The following PLXNA4 variants were observed in gnomAD, a reference collection of about 807,000 sequenced individuals.
The protein encoded by PLXNA4 is plexin A4, also known as plexin-A4.
A neutral mutation model predicts 191.8 loss-of-function variants in PLXNA4; 44 were observed. The ratio of observed to expected loss-of-function variants is 0.23; its 90% CI spans 0.18 to 0.29. PLXNA4 has a LOEUF of 0.29. PLXNA4 is among the 10% of genes least tolerant of loss of function. The pLI is 1.00. For missense variants in PLXNA4, 1,800 were observed against 2,488.8 expected, an observed-to-expected ratio of 0.72 and a Z score of 5.89; for synonymous variants, 1,082 against 1,009.5, an observed-to-expected ratio of 1.07 and a Z score of -1.36.
At chr7:132,189,864 C>T (rs1319989883) in intron 14 of PLXNA4, among the ~76,000 whole-genome samples, 1 of 152,180 alleles carries the variant, frequency 6.6e-6, no homozygotes, top group African/African-American at 2.4e-5. Context: ...ATGACACAAC[C>T]CTTAAATGCA....
intron 2 of PLXNA4, among the ~76,000 whole-genome samples, chr7:132,491,074 G>C (rs1797778316): frequency 6.6e-6 from 1 of 152,164 alleles, no homozygotes; most frequent in Non-Finnish European, 1.5e-5. Flanking sequence ...CCGTGTCTTG[G>C]AAGGGCTATG....
At chr7:132,422,111 G>A (rs62467566) in intron 3 of PLXNA4, among the ~76,000 whole-genome samples, 1,736 of 152,284 alleles carry the variant, frequency 0.011, 10 homozygotes, top group Non-Finnish European at 0.016. Flanking sequence ...GTTGGTTACC[G>A]AATGGTCTGA....
At chr7:132,510,932 A>G (rs2116280661) in intron 1 of PLXNA4, among the ~76,000 whole-genome samples, 1 of 152,340 alleles carries the variant, frequency 6.6e-6, no homozygotes, top group East Asian at 1.9e-4. Flanking sequence ...TTGAGACTGA[A>G]ATGCACAGTG....
At chr7:132,596,404 G>A (rs1320275643) in intron 2 of PLXNA4, among the ~76,000 whole-genome samples, 1 of 152,184 alleles carries the variant, frequency 6.6e-6, no homozygotes, top group African/African-American at 2.4e-5. Flanking sequence ...GCCACTGAAT[G>A]CCTGGTCCTG....
intron 1 of PLXNA4, among the ~76,000 whole-genome samples, chr7:132,537,283 A>G (rs975422163): frequency 6.6e-6 from 1 of 152,238 alleles, no homozygotes; most frequent in Non-Finnish European, 1.5e-5. Flanking sequence ...CCTCTAAGGC[A>G]GGAGGTTGGA....
chr7:132,447,979 C>G (rs1795974850), intron 3 of PLXNA4, among the ~76,000 whole-genome samples: 1 of 152,106 alleles, frequency 6.6e-6, no homozygotes, highest in Non-Finnish European at 1.5e-5. Context: ...GCGCTGCACT[C>G]CAGCCTGGAC....
intron 3 of PLXNA4, among the ~76,000 whole-genome samples, chr7:132,370,684 A>C (rs993816881): frequency 6.6e-6 from 1 of 152,078 alleles, no homozygotes; most frequent in Non-Finnish European, 1.5e-5. Flanking sequence ...ATAAATGTCT[A>C]TGTATAACAA....
chr7:132,420,419 G>A (rs1794809506), intron 3 of PLXNA4, among the ~76,000 whole-genome samples: 1 of 152,112 alleles, frequency 6.6e-6, no homozygotes, highest in Admixed American at 6.5e-5. Context: ...ATCTATGGCT[G>A]GGCTCATCCT....
intron 20 of PLXNA4, among the ~76,000 whole-genome samples, chr7:132,176,920 G>T (rs904453657): frequency 6.8e-6 from 1 of 147,134 alleles, no homozygotes; most frequent in African/African-American, 2.7e-5. Flanking sequence ...GTGAGTGCAT[G>T]AGTATGTGGG....
chr7:132,259,436 C>CAAAAAAAAAAAAAAA (rs55902635), intron 4 of PLXNA4, among the ~76,000 whole-genome samples: 69 of 33,866 alleles, frequency 2.0e-3, no homozygotes, highest in Non-Finnish European at 2.5e-3. Flanking sequence ...AACTCCAACT[C>CAAAAAAAAAAAAAAA]AAAAAAAAAA....
chr7:132,391,118 G>A (rs972708738), intron 3 of PLXNA4, among the ~76,000 whole-genome samples: 4 of 152,192 alleles, frequency 2.6e-5, no homozygotes, highest in Non-Finnish European at 1.5e-5. Context: ...TAGTGGAAAG[G>A]AGAGTCTGTG....
At chr7:132,524,946 C>T (rs554635188) in intron 1 of PLXNA4, among the ~76,000 whole-genome samples, 1 of 152,266 alleles carries the variant, frequency 6.6e-6, no homozygotes, top group South Asian at 2.1e-4. Context: ...ACAATCTTCA[C>T]AACTTTTAAG....
chr7:132,208,511 C>T (rs1426274640), intron 10 of PLXNA4, among the ~76,000 whole-genome samples: 2 of 152,146 alleles, frequency 1.3e-5, no homozygotes, highest in Non-Finnish European at 2.9e-5. Context: ...AGGAGCCCTC[C>T]TCAGGTCCTG....
intron 4 of PLXNA4, among the ~76,000 whole-genome samples, chr7:132,258,344 C>T (rs1799504781): frequency 6.6e-6 from 1 of 152,002 alleles, no homozygotes; most frequent in South Asian, 2.1e-4. Flanking sequence ...ATTAGATTTT[C>T]CCTTTTCTTC....
At chr7:132,375,638 A>AGTGATTCT (rs1804630767) in intron 3 of PLXNA4, among the ~76,000 whole-genome samples, 1 of 152,204 alleles carries the variant, frequency 6.6e-6, no homozygotes, top group Non-Finnish European at 1.5e-5. Flanking sequence ...CAGGAAAGGG[A>AGTGATTCT]GTGATTCTGT....
intron 9 of PLXNA4, among the ~76,000 whole-genome samples, chr7:132,220,812 T>C (rs1390581280): frequency 1.9e-5 from 1 of 51,354 alleles, no homozygotes; most frequent in Non-Finnish European, 3.7e-5. Context: ...ATTTTATTCT[T>C]TTTTTTTTTT....
chr7:132,353,205 A>G (rs1022728415), intron 3 of PLXNA4, among the ~76,000 whole-genome samples: 2 of 152,210 alleles, frequency 1.3e-5, no homozygotes, highest in African/African-American at 4.8e-5. Context: ...ATCAAATAAC[A>G]GAATGTCTGG....
intron 5 of PLXNA4, among the ~76,000 whole-genome samples, chr7:132,231,605 G>A (rs552114939): frequency 9.2e-5 from 14 of 151,934 alleles, no homozygotes; most frequent in Non-Finnish European, 1.8e-4. Context: ...GTATTTTTTT[G>A]GTAGAGATGG....
intron 25 of PLXNA4, among the ~76,000 whole-genome samples, chr7:132,153,559 G>C (rs1795706098): frequency 6.6e-6 from 1 of 152,136 alleles, no homozygotes; most frequent in Non-Finnish European, 1.5e-5. Context: ...AGGAAGGGGA[G>C]AGGTAGGGGG....
Sources: allele counts gnomAD v4.1 joint callset (sites outside exome capture counted in the v4.1 genomes callset), GRCh38; gene constraint gnomAD v4.1.1; transcripts MANE v1.5; gene names NCBI Gene and HGNC (gene_info 2026-07-23, HGNC 2026-07-21).